The following SPECC1 variants were observed in gnomAD, a reference collection of about 807,000 sequenced individuals.
SPECC1 encodes the protein sperm antigen with calponin homology and coiled-coil domains 1, also known as cytospin-B.
A neutral mutation model predicts 104.1 loss-of-function variants in SPECC1; 62 were observed. The observed-to-expected ratio is 0.60, with a 90% CI of 0.49 to 0.74. The LOEUF is 0.74. Among genes scored for constraint, SPECC1 ranks in the 30% least tolerant of loss-of-function variants. The probability of loss-of-function intolerance (pLI) is 0.00; values close to 1 mark genes in which losing one functional copy is unlikely to be tolerated. For synonymous variants in SPECC1, 513 were observed against 501.6 expected, an observed-to-expected ratio of 1.02 and a Z score of -0.30; for missense variants, 1,306 against 1,310.5, an observed-to-expected ratio of 1.00 and a Z score of 0.05.
At chr17:20,298,978 G>GTGTGTGTGTGTGTGTGTGTGTGTGT (rs747414391) in intron 13 of SPECC1, among the ~76,000 whole-genome samples, 7 of 29,482 alleles carry the variant, frequency 2.4e-4, no homozygotes, top group African/African-American at 7.6e-4. Flanking sequence ...TGTGTATGTA[G>GTGTGTGTGTGTGTGTGTGTGTGTGT]AGAGAGAGAG....
intron 3 of SPECC1, among the ~76,000 whole-genome samples, chr17:20,169,529 T>G (rs1287980247): frequency 6.6e-6 from 1 of 152,090 alleles, no homozygotes; most frequent in Non-Finnish European, 1.5e-5. Flanking sequence ...TTTTGGAATT[T>G]TTTTTTTTTT....
intron 5 of SPECC1, among the ~76,000 whole-genome samples, chr17:20,231,473 G>T (rs569498703): frequency 1.3e-5 from 2 of 152,190 alleles, no homozygotes; most frequent in Admixed American, 6.5e-5. Context: ...GCCTCTTCCC[G>T]TAGTGCTGCT....
intron 1 of SPECC1, among the ~76,000 whole-genome samples, chr17:20,023,367 A>G (rs1287092043): frequency 6.6e-6 from 1 of 152,162 alleles, no homozygotes; most frequent in Non-Finnish European, 1.5e-5. Context: ...AATACATGGT[A>G]AGTACCTACT....
chr17:20,276,541 G>T (rs1200027539), intron 12 of SPECC1, among the ~76,000 whole-genome samples: 1 of 152,118 alleles, frequency 6.6e-6, no homozygotes, highest in Non-Finnish European at 1.5e-5. Flanking sequence ...ACATTTTCTT[G>T]TGGCTGTATG....
intron 12 of SPECC1, among the ~76,000 whole-genome samples, chr17:20,283,524 A>G (rs1193879634): frequency 1.3e-5 from 2 of 152,098 alleles, no homozygotes; most frequent in Admixed American, 6.6e-5. Flanking sequence ...CATACATTTC[A>G]GACTATTTGT....
chr17:20,114,912 A>T lies in SPECC1; in HGVS notation c.283+4350A>T, dbSNP rs150188944. ...AGACAGAGAAGTATTGTATTGAGAG[A>T]TTATCTATTTTCATAATCAACATTT... On this transcript the variant is annotated intron_variant, in intron 3 of 14. Transcript: ENST00000395527. Among the ~76,000 whole-genome samples the T allele has an allele frequency of 4.8e-3, 725 of 152,324 alleles. 5 individuals are homozygous for T. Among genetic ancestry groups the T allele is most frequent in the African/African-American group, 0.016 (669 of 41,562 alleles).
chr17:20,152,210 A>C (rs1174717219), intron 3 of SPECC1, among the ~76,000 whole-genome samples: 1 of 152,154 alleles, frequency 6.6e-6, no homozygotes, highest in African/African-American at 2.4e-5. Flanking sequence ...TGAGGCACGA[A>C]AATCACTTAA....
At chr17:20,215,331 C>T (rs1038815668) in intron 4 of SPECC1, among the ~76,000 whole-genome samples, 2 of 152,218 alleles carry the variant, frequency 1.3e-5, no homozygotes, top group Non-Finnish European at 2.9e-5. Flanking sequence ...GGTAGATGAT[C>T]TCTTTTTAAG....
intron 1 of SPECC1, among the ~76,000 whole-genome samples, chr17:20,031,629 G>T (rs2044817722): frequency 6.6e-6 from 1 of 152,154 alleles, no homozygotes; most frequent in African/African-American, 2.4e-5. Flanking sequence ...TTGCAAAACT[G>T]AAATTCTGTA....
chr17:20,112,132 C>T (rs1232370620), intron 3 of SPECC1: 6 of 763,464 alleles, frequency 7.9e-6, no homozygotes, highest in Non-Finnish European at 1.5e-5. Context: ...TACAACCACA[C>T]AGAGCACTTT....
At chr17:20,216,047 T>C (rs1188576950) in intron 4 of SPECC1, among the ~76,000 whole-genome samples, 2 of 152,220 alleles carry the variant, frequency 1.3e-5, no homozygotes, top group African/African-American at 4.8e-5. Flanking sequence ...CAGGCAGATA[T>C]TTTTATATTC....
intron 14 of SPECC1, among the ~76,000 whole-genome samples, chr17:20,310,366 C>T (rs1253756970): frequency 1.3e-5 from 2 of 152,116 alleles, no homozygotes; most frequent in African/African-American, 4.8e-5. Flanking sequence ...AGTGTATTCC[C>T]TTTTCTCCAC....
chr17:20,027,551 A>G (rs1326803310), intron 1 of SPECC1, among the ~76,000 whole-genome samples: 1 of 151,990 alleles, frequency 6.6e-6, no homozygotes, highest in East Asian at 1.9e-4. Context: ...GTAGTTTTAT[A>G]GTTTTGGGTC....
intron 5 of SPECC1, among the ~76,000 whole-genome samples, chr17:20,228,166 G>A (rs1433054810): frequency 6.6e-6 from 1 of 152,166 alleles, no homozygotes; most frequent in Non-Finnish European, 1.5e-5. Flanking sequence ...AGTCAGCAGT[G>A]TGTAGGTGAT....
At chr17:20,264,457 ATTTTTTTTTTTTTTTTT>A (rs10565315) in intron 12 of SPECC1, among the ~76,000 whole-genome samples, 1 of 55,738 alleles carries the variant, frequency 1.8e-5, no homozygotes, top group Non-Finnish European at 3.2e-5. Context: ...TTGGAGACGG[ATTTTTTTTTTTTTTTTT>A]TTTTTTTTTT....
chr17:20,138,856 A>T (rs145219136), intron 3 of SPECC1, among the ~76,000 whole-genome samples: 2 of 152,322 alleles, frequency 1.3e-5, no homozygotes, highest in Non-Finnish European at 2.9e-5. Context: ...CTTTAAGATG[A>T]CATGTTTTTT....
At position 20,049,792 on chromosome 17, in the gene SPECC1, T is replaced by C. The variant is rs575174553; in HGVS notation, c.-22+40368T>C. On this transcript the variant is annotated intron_variant, in intron 1 of 14. Coordinates refer to ENST00000395527, the MANE Select transcript of SPECC1 (RefSeq NM_001243439.2). ...TTTTCTTCTGCTAATTATACTATTT[T>C]CATTTTTTTCTTTTCTTTCTTTATT... Among the ~76,000 whole-genome samples the C allele has an allele frequency of 2.6e-5, 4 of 152,124 alleles. No individual in the cohort carries two copies. The East Asian group carries it at 7.7e-4, about 29-fold the overall frequency.
At position 20,011,587 on chromosome 17, in the gene SPECC1, G is replaced by C. The variant is rs148637097; in HGVS notation, c.-22+2163G>C. Among the ~76,000 whole-genome samples, 43 of 151,270 alleles carry C rather than the reference G, an allele frequency of 2.8e-4. No homozygotes were observed. In the East Asian group the frequency reaches 5.6e-3, roughly 20 times the overall value. ...TCAAAGAACCAGCTTTTATTAACCA[G>C]GATTTATTGATTAATTCTATTGATT... On this transcript the variant is annotated intron_variant, in intron 1 of 14. Coordinates refer to ENST00000395527, the MANE Select transcript of SPECC1 (RefSeq NM_001243439.2).
intron 3 of SPECC1, among the ~76,000 whole-genome samples, chr17:20,137,910 G>A (rs762179473): frequency 6.6e-6 from 1 of 151,742 alleles, no homozygotes; most frequent in Non-Finnish European, 1.5e-5. Flanking sequence ...CAAATAATCC[G>A]CCCTTCCACC....
Sources: gnomAD v4.1 joint callset for allele counts (sites outside exome capture counted in the v4.1 genomes callset) on GRCh38, gnomAD v4.1.1 for gene constraint, MANE v1.5 for transcripts, NCBI Gene and HGNC (gene_info 2026-07-23, HGNC 2026-07-21) for gene names.